The following MESD variants were observed in gnomAD, a reference collection of about 807,000 sequenced individuals.
MESD encodes the protein mesoderm development LRP chaperone.
In MESD, 7 loss-of-function variants were observed where a neutral mutation model predicts 12.9. The observed-to-expected ratio is 0.54, with a 90% CI of 0.31 to 1.02. The LOEUF (loss-of-function observed/expected upper bound fraction) is 1.02, where lower values mean the gene tolerates loss of function less well. Among genes scored for constraint, MESD ranks in the 50% least tolerant of loss-of-function variants. MESD has a pLI of 0.05. For synonymous variants in MESD, 126 were observed against 115.6 expected (o/e 1.09, Z -0.58); for missense variants, 342 against 296.7 (o/e 1.15, Z -1.12).
Position 80,982,065 on chromosome 15 carries a change from C to T in MESD, c.331G>A (p.Gly111Arg), listed in dbSNP as rs145472737. Residue 111 changes from glycine (G) to arginine (R), a missense_variant, in exon 2 of 3, where the codon GGG becomes AGG. Gly to Arg is a moderately radical substitution (Grantham distance 125, BLOSUM62 -2). Coordinates refer to ENST00000261758, the MANE Select transcript of MESD (RefSeq NM_015154.3). ...GTGACAAACATCATGAGAGTCTTCC[C>T]TTTTTTCGTCATTTTCAATATGCTT... ...PESILKMTKKGKTLMMFVTVS... is the reference protein window; with the variant it reads ...PESILKMTKKRKTLMMFVTVS... 6.2e-7 allele frequency: 1 copy of T among 1,614,074 alleles called. No homozygotes were observed. Among genetic ancestry groups the T allele is most frequent in the Non-Finnish European group, 8.5e-7 (1 of 1,180,006 alleles).
downstream of MESD, among the ~76,000 whole-genome samples, chr15:80,970,877 G>A (rs1166584613): frequency 6.6e-6 from 1 of 152,184 alleles, no homozygotes; most frequent in African/African-American, 2.4e-5. Flanking sequence ...ACGGATTCTG[G>A]TTAAACAGAC....
At chr15:80,948,913 A>C in intron 4 of MESD, 1 of 1,614,200 alleles carries the variant, frequency 6.2e-7, no homozygotes, top group Non-Finnish European at 8.5e-7. Flanking sequence ...GGTGAAGAAG[A>C]AGAAGTTGTG....
chr15:80,984,288 T>C (rs1902668559), intron 1 of MESD, among the ~76,000 whole-genome samples: 2 of 152,078 alleles, frequency 1.3e-5, no homozygotes. Flanking sequence ...AAAAATGAAG[T>C]ACTGGCTGGG....
At chr15:80,959,234 G>A (rs1382711545) in intron 3 of MESD, among the ~76,000 whole-genome samples, 1 of 152,256 alleles carries the variant, frequency 6.6e-6, no homozygotes, top group Non-Finnish European at 1.5e-5. Flanking sequence ...AGAGGGTAGA[G>A]GTTGAAGGTG....
chr15:80,975,017 G>C (rs1902374423), downstream of MESD, among the ~76,000 whole-genome samples: 2 of 151,724 alleles, frequency 1.3e-5, no homozygotes, highest in South Asian at 2.1e-4. Context: ...AAGAAAAAGA[G>C]AAAAAGCAGT....
At chr15:80,984,505 C>T (rs992179881) in intron 1 of MESD, among the ~76,000 whole-genome samples, 4 of 152,216 alleles carry the variant, frequency 2.6e-5, no homozygotes, top group African/African-American at 9.6e-5. Context: ...AAAGACTACA[C>T]ATTCTATGAT....
At chr15:80,953,439 T>C (rs1901893466) in intron 3 of MESD, among the ~76,000 whole-genome samples, 1 of 152,018 alleles carries the variant, frequency 6.6e-6, no homozygotes, top group African/African-American at 2.4e-5. Context: ...AGGCAGGCAC[T>C]TCAGGGTCCT....
chr15:80,959,597 T>C (rs576175518), intron 3 of MESD, among the ~76,000 whole-genome samples: 30 of 152,238 alleles, frequency 2.0e-4, no homozygotes, highest in African/African-American at 7.0e-4. Flanking sequence ...AAACAGCCAA[T>C]AAATGGACAC....
chr15:80,956,106 C>T (rs1253797048), intron 3 of MESD, among the ~76,000 whole-genome samples: 2 of 152,118 alleles, frequency 1.3e-5, no homozygotes, highest in Non-Finnish European at 2.9e-5. Context: ...GGGAGGATCA[C>T]TTGAGCCTGG....
chr15:80,958,614 T>G (rs1187256629), intron 3 of MESD, among the ~76,000 whole-genome samples: 1 of 152,178 alleles, frequency 6.6e-6, no homozygotes, highest in Admixed American at 6.5e-5. Context: ...ATTACAGGCA[T>G]GAGCCACCGT....
rs11425497 is a variant in MESD, at chr15:80,985,639, C to CTTTTTTTTTTTTTTTT, written c.214-3473_214-3458dup. Among the ~76,000 whole-genome samples the CTTTTTTTTTTTTTTTT allele has an allele frequency of 6.7e-5, 6 of 89,048 alleles. 1 individual carries two copies. The highest frequency in any genetic ancestry group is 1.9e-4 in the African/African-American group (4 of 21,600). The allele number at this position is 89,048 out of a possible 152,430, so 58.4% of individuals were successfully genotyped here. The stretch of plus-strand genomic sequence containing the variant: ...AATTAACTCAGTAGGTCCCAAGCAG[C>CTTTTTTTTTTTTTTTT]TTTTTTTTTTTTTTTTTTTTTTTTT... On this transcript the variant is annotated intron_variant, in intron 1 of 2. Coordinates refer to ENST00000261758, the MANE Select transcript of MESD (RefSeq NM_015154.3).
downstream of MESD, among the ~76,000 whole-genome samples, chr15:80,973,689 C>A (rs1177563872): frequency 6.6e-6 from 1 of 152,186 alleles, no homozygotes; most frequent in African/African-American, 2.4e-5. Context: ...CGCCTCACTG[C>A]CTCACCCTAT....
chr15:80,948,758 A>T, exon 5 of MESD: 1 of 1,613,744 alleles, frequency 6.2e-7, no homozygotes, highest in Non-Finnish European at 8.5e-7. Context: ...CCGTCCTCTC[A>T]TAGGGCTTTT....
chr15:80,982,279 A>G (rs773254223), intron 1 of MESD, 97 bp from the exon 2 acceptor site: 1 of 882,792 alleles, frequency 1.1e-6, no homozygotes, highest in Non-Finnish European at 1.8e-6. Context: ...GTGCATGTAT[A>G]TGACTTAAAT....
intron 3 of MESD, among the ~76,000 whole-genome samples, chr15:80,956,221 C>A (rs1901981335): frequency 6.6e-6 from 1 of 151,920 alleles, no homozygotes; most frequent in Non-Finnish European, 1.5e-5. Context: ...ATAAAAAAGA[C>A]CCTAAGAGCC....
chr15:80,971,384 C>T (rs1902285017), downstream of MESD, among the ~76,000 whole-genome samples: 1 of 152,196 alleles, frequency 6.6e-6, no homozygotes, highest in Non-Finnish European at 1.5e-5. Context: ...TTTAGTTGGG[C>T]TCCTCTGAGC....
chr15:80,986,366 T>C (rs1480226155), intron 1 of MESD, among the ~76,000 whole-genome samples: 1 of 152,150 alleles, frequency 6.6e-6, no homozygotes, highest in African/African-American at 2.4e-5. Context: ...ATGACTATAG[T>C]TAACAATAAT....
At chr15:80,973,703 C>A (rs774423436), downstream of MESD, among the ~76,000 whole-genome samples, 1 of 152,206 alleles carries the variant, frequency 6.6e-6, no homozygotes, top group Non-Finnish European at 1.5e-5. Flanking sequence ...ACCCTATTCA[C>A]CCCCTCGACA....
intron 3 of MESD, among the ~76,000 whole-genome samples, chr15:80,960,613 GT>G (rs1397025206): frequency 2.0e-5 from 3 of 152,288 alleles, no homozygotes; most frequent in Middle Eastern, 3.4e-3. Flanking sequence ...ATGACACAAT[GT>G]TGGGGATGAG....
Sources: gnomAD v4.1 joint callset for allele counts (sites outside exome capture counted in the v4.1 genomes callset) on GRCh38, gnomAD v4.1.1 for gene constraint, MANE v1.5 for transcripts, NCBI Gene and HGNC (gene_info 2026-07-23, HGNC 2026-07-21) for gene names.